Variants in BBS9 observed in about 807,000 individuals in gnomAD.
The protein encoded by BBS9 is protein PTHB1.
Under a neutral mutation model 117.7 loss-of-function variants are expected in BBS9, and 89 were observed. The observed-to-expected ratio is 0.76, with a 90% confidence interval of 0.64 to 0.90. BBS9 has a LOEUF of 0.90. BBS9 is among the 40% of genes least tolerant of loss of function. The pLI, the probability that BBS9 is intolerant of heterozygous loss-of-function variation, is 0.00. For missense variants in BBS9, 982 were observed against 1,042.2 expected (o/e 0.94, Z 0.80); for synonymous variants, 379 against 370.9 (o/e 1.02, Z -0.25).
At position 33,546,228 on chromosome 7, in the gene BBS9, C is replaced by T. The variant is rs146434977; in HGVS notation, c.2521+12052C>T. 8.5e-4 allele frequency among the ~76,000 whole-genome samples: 130 copies of T among 152,076 alleles called. 2 individuals carry two copies. In the East Asian group the frequency reaches 0.021, roughly 25 times the overall value. ...GATTACAGGGGTGAGCCACTGCGCC[C>T]GGCCTATAATCCATTTTTTAAACTT... On this transcript the variant is annotated intron_variant, in intron 21 of 22. Transcript: ENST00000242067.
chr7:33,469,010 T>G (rs1544559), intron 19 of BBS9, among the ~76,000 whole-genome samples: 114,868 of 151,400 alleles, frequency 0.76, 44,146 homozygotes, highest in African/African-American at 0.88. Flanking sequence ...TTTTTTTTTT[T>G]TTTGTGAGAG....
Position 33,161,543 on chromosome 7 carries a change from C to T in BBS9, c.328+5841C>T, listed in dbSNP as rs1420063157. Among the ~76,000 whole-genome samples, 6 of 152,214 alleles carry T rather than the reference C, an allele frequency of 3.9e-5. No individual in the cohort carries two copies. In the South Asian group the frequency reaches 8.3e-4, roughly 21 times the overall value. On this transcript the variant is annotated intron_variant, in intron 4 of 22. Transcript: ENST00000242067. ...CATTGATGGACATTTGGGTTGGTTC[C>T]AAGTCTTTGCTATTGTGAATAGTGC...
chr7:33,329,988 C>G (rs1813680288), intron 9 of BBS9, among the ~76,000 whole-genome samples: 2 of 151,372 alleles, frequency 1.3e-5, no homozygotes, highest in Non-Finnish European at 2.9e-5. Context: ...TATAAGAGTT[C>G]TTTACATATT....
chr7:33,412,522 A>G (rs779023677), intron 19 of BBS9, among the ~76,000 whole-genome samples: 3 of 152,328 alleles, frequency 2.0e-5, no homozygotes, highest in Admixed American at 1.3e-4. Flanking sequence ...TTGCATGCCT[A>G]TGCTTATCAT....
intron 21 of BBS9, among the ~76,000 whole-genome samples, chr7:33,553,853 G>T (rs928291521): frequency 1.3e-4 from 20 of 152,098 alleles, no homozygotes; most frequent in African/African-American, 4.6e-4. Flanking sequence ...GTACCCACAG[G>T]AGCTTACATT....
At chr7:33,554,687 A>G (rs1488693507) in intron 21 of BBS9, among the ~76,000 whole-genome samples, 1 of 152,180 alleles carries the variant, frequency 6.6e-6, no homozygotes, top group African/African-American at 2.4e-5. Flanking sequence ...TGTAGATGCC[A>G]AGTGCTCCGG....
chr7:33,394,752 G>A (rs979074983), intron 19 of BBS9, among the ~76,000 whole-genome samples: 1 of 152,084 alleles, frequency 6.6e-6, no homozygotes, highest in African/African-American at 2.4e-5. Flanking sequence ...TGTATTTTTG[G>A]AGGACCTAAG....
chr7:33,166,169 C>T (rs1033643736), intron 4 of BBS9, among the ~76,000 whole-genome samples: 6 of 152,220 alleles, frequency 3.9e-5, no homozygotes, highest in South Asian at 4.1e-4. Flanking sequence ...GCAGCAGAGG[C>T]TGCAGAACAG....
intron 19 of BBS9, among the ~76,000 whole-genome samples, chr7:33,403,561 T>C (rs1004799646): frequency 4.7e-5 from 7 of 147,494 alleles, no homozygotes; most frequent in Non-Finnish European, 7.4e-5. Context: ...TGAGAACATG[T>C]GGTGTTTGGT....
intron 1 of BBS9, among the ~76,000 whole-genome samples, chr7:33,136,699 T>C (rs1485044740): frequency 6.6e-6 from 1 of 152,218 alleles, no homozygotes; most frequent in Admixed American, 6.5e-5. Context: ...TATATAATAC[T>C]TTTTATATAT....
chr7:33,491,430 G>A (rs1264521759), intron 19 of BBS9, among the ~76,000 whole-genome samples: 1 of 152,180 alleles, frequency 6.6e-6, no homozygotes, highest in Non-Finnish European at 1.5e-5. Flanking sequence ...TATTGGCTCT[G>A]CCTCACAACT....
At chr7:33,459,032 T>C (rs1210301402) in intron 19 of BBS9, among the ~76,000 whole-genome samples, 1 of 152,010 alleles carries the variant, frequency 6.6e-6, no homozygotes, top group East Asian at 1.9e-4. Context: ...TTGGCAGCAG[T>C]GGGAATGAAG....
intron 6 of BBS9, among the ~76,000 whole-genome samples, chr7:33,264,014 T>G (rs1014479132): frequency 6.6e-6 from 1 of 152,106 alleles, no homozygotes; most frequent in Non-Finnish European, 1.5e-5. Context: ...ACTTGTCACA[T>G]AAAATTCTAA....
chr7:33,467,263 C>T (rs2392235), intron 19 of BBS9, among the ~76,000 whole-genome samples: 35,040 of 151,946 alleles, frequency 0.23, 4,425 homozygotes, highest in Admixed American at 0.37. Context: ...ATTACCAAAA[C>T]ATCTCTTTTA....
intron 10 of BBS9, among the ~76,000 whole-genome samples, chr7:33,337,644 T>A (rs1250184718): frequency 6.6e-6 from 1 of 152,142 alleles, no homozygotes; most frequent in Admixed American, 6.5e-5. Context: ...TTCAAGTACC[T>A]CCAATTACTT....
rs145591779 is a variant in BBS9, at chr7:33,555,616, G to A, written c.2521+21440G>A. Among the ~76,000 whole-genome samples the A allele has an allele frequency of 2.0e-5, 3 of 152,250 alleles. No homozygotes were observed. The East Asian group carries it at 5.8e-4, about 29-fold the overall frequency. On this transcript the variant is annotated intron_variant, in intron 21 of 22. Transcript: ENST00000242067. ...TGGTAGTTAAAATTGAGAGGATTTGGTAGTTGATTGGAGATAAGGATTGAG... is the reference window on the plus strand; with the variant it reads ...TGGTAGTTAAAATTGAGAGGATTTGATAGTTGATTGGAGATAAGGATTGAG...
chr7:33,403,682 A>G (rs188362024), intron 19 of BBS9, among the ~76,000 whole-genome samples: 96,238 of 151,470 alleles, frequency 0.64, 31,222 homozygotes, highest in African/African-American at 0.77. Flanking sequence ...TCCATGGTGT[A>G]TATGTGCCAC....
At chr7:33,487,322 C>T in intron 19 of BBS9, among the ~76,000 whole-genome samples, 1 of 152,242 alleles carries the variant, frequency 6.6e-6, no homozygotes, top group Middle Eastern at 3.4e-3. Context: ...GAACAGTAGG[C>T]CTCAGTTTGG....
At chr7:33,291,433 T>C (rs991685068) in intron 9 of BBS9, among the ~76,000 whole-genome samples, 5 of 152,212 alleles carry the variant, frequency 3.3e-5, no homozygotes, top group African/African-American at 1.2e-4. Flanking sequence ...ACCTTCCTTA[T>C]GTTATTTCTC....
Sources: allele counts gnomAD v4.1 joint callset (sites outside exome capture counted in the v4.1 genomes callset), GRCh38; gene constraint gnomAD v4.1.1; transcripts MANE v1.5; gene names NCBI Gene and HGNC (gene_info 2026-07-23, HGNC 2026-07-21).